SMAD2: variants seen among roughly 807,000 people sequenced by gnomAD.
SMAD2 encodes the protein MAD homolog 2.
A neutral mutation model predicts 64.4 loss-of-function variants in SMAD2; 8 were observed. That is an observed-to-expected ratio of 0.12 (90% CI 0.07 to 0.22). SMAD2 has a LOEUF of 0.22. SMAD2 is among the 10% of genes least tolerant of loss of function. The probability of loss-of-function intolerance (pLI) is 1.00; values close to 1 mark genes in which losing one functional copy is unlikely to be tolerated. For missense variants in SMAD2, 289 were observed against 561.2 expected, an observed-to-expected ratio of 0.51 and a Z score of 4.90; for synonymous variants, 203 against 195.8, an observed-to-expected ratio of 1.04 and a Z score of -0.31.
In SMAD2 at chr18:47,840,872, T is replaced by C. The variant is rs865965141; in HGVS notation, c.*955A>G. The C allele has an allele frequency of 1.1e-4, 25 of 232,298 alleles. No individual in the cohort carries two copies. In the Middle Eastern group the frequency reaches 6.5e-3, roughly 60 times the overall value. 14.4% of individuals were successfully genotyped at this position (232,298 alleles called of 1,614,324 possible). A position where few individuals can be genotyped will look rare whatever the true frequency, so the allele number is the denominator to read the frequency against. ...CTGAAAATAATTATACTGCCACCTA[T>C]GCATTTTTTATGAGGTGGAAGGATA... On this transcript the variant is annotated 3_prime_UTR_variant, in exon 11 of 11. Coordinates refer to ENST00000262160, the MANE Select transcript of SMAD2 (RefSeq NM_005901.6).
chr18:47,862,480 C>A (rs1221639984), intron 6 of SMAD2, among the ~76,000 whole-genome samples: 1 of 152,204 alleles, frequency 6.6e-6, no homozygotes, highest in African/African-American at 2.4e-5. Flanking sequence ...AGGAATTGCT[C>A]AGCTTGCAGG....
At chr18:47,922,474 T>C (rs951162314) in intron 1 of SMAD2, 1 of 152,216 alleles carries the variant, frequency 6.6e-6, no homozygotes, top group Admixed American at 6.5e-5. Context: ...CTATTTACAT[T>C]GTATTAGATA....
At chr18:47,885,178 CACACAT>C (rs1458752670) in intron 2 of SMAD2, among the ~76,000 whole-genome samples, 166 of 140,876 alleles carry the variant, frequency 1.2e-3, no homozygotes, top group African/African-American at 4.1e-3. Context: ...CACACACACA[CACACAT>C]ATACCCTCCC....
upstream of SMAD2, chr18:47,930,706 C>G (rs1380551454): frequency 6.8e-6 from 1 of 147,990 alleles, no homozygotes. Context: ...GCAGCCCTAC[C>G]GGCCGCCCGC....
intron 2 of SMAD2, among the ~76,000 whole-genome samples, chr18:47,891,320 A>G (rs556388166): frequency 7.2e-5 from 11 of 152,264 alleles, no homozygotes; most frequent in African/African-American, 2.4e-4. Flanking sequence ...CTAAGAGGCA[A>G]AACAAAATCC....
rs1269952110 is a variant in SMAD2, at chr18:47,816,341, C to T, written c.*25486G>A. ...AAAATACCAAAATATACAGTGGTCACCCTAAAACTAACATTTTTGGATAAT... is the reference window on the plus strand; with the variant it reads ...AAAATACCAAAATATACAGTGGTCATCCTAAAACTAACATTTTTGGATAAT... On this transcript the variant is annotated 3_prime_UTR_variant, in exon 11 of 11. Coordinates refer to ENST00000262160, the MANE Select transcript of SMAD2 (RefSeq NM_005901.6). 2 of 152,110 alleles carry T rather than the reference C, an allele frequency of 1.3e-5. No individual in the cohort carries two copies. Among genetic ancestry groups the T allele is most frequent in the Non-Finnish European group, 2.9e-5 (2 of 68,018 alleles). The allele number at this position is 152,110 out of a possible 1,614,324, so 9.4% of individuals were successfully genotyped here.
At chr18:47,911,741 TAAC>T (rs924550516) in intron 1 of SMAD2, among the ~76,000 whole-genome samples, 1 of 152,200 alleles carries the variant, frequency 6.6e-6, no homozygotes, top group African/African-American at 2.4e-5. Context: ...ACAGTGAACT[TAAC>T]AGCCCGGTTA....
intron 7 of SMAD2, among the ~76,000 whole-genome samples, chr18:47,849,973 C>T (rs1413696178): frequency 6.6e-6 from 1 of 151,336 alleles, no homozygotes; most frequent in East Asian, 1.9e-4. Flanking sequence ...CGCCACTGCA[C>T]TCTAGCCTGG....
At chr18:47,912,358 A>G (rs1162702573) in intron 1 of SMAD2, 1 of 152,210 alleles carries the variant, frequency 6.6e-6, no homozygotes, top group African/African-American at 2.4e-5. Context: ...AAACACAACT[A>G]ATGTGACCGA....
chr18:47,907,222 T>G (rs1461801660), intron 1 of SMAD2, among the ~76,000 whole-genome samples: 1 of 152,172 alleles, frequency 6.6e-6, no homozygotes, highest in Non-Finnish European at 1.5e-5. Flanking sequence ...AAGAAACCTG[T>G]ATAAGAATGT....
chr18:47,927,432 T>C (rs964418401), intron 1 of SMAD2, among the ~76,000 whole-genome samples: 2 of 152,234 alleles, frequency 1.3e-5, no homozygotes, highest in Non-Finnish European at 2.9e-5. Context: ...CACTAACAAC[T>C]GTCTTACTCT....
At position 47,833,777 on chromosome 18, in the gene SMAD2, A is replaced by C; in HGVS notation, c.*8050T>G. The stretch of plus-strand genomic sequence containing the variant: ...AACAACACATTCTGGCTTCTCGAGC[A>C]GAACAGACTGGGAAATGCAGTAGAC... On this transcript the variant is annotated 3_prime_UTR_variant, in exon 11 of 11. Coordinates refer to ENST00000262160, the MANE Select transcript of SMAD2 (RefSeq NM_005901.6). 1 of 231,134 alleles carries C rather than the reference A, an allele frequency of 4.3e-6. No individual in the cohort carries two copies. The highest frequency in any genetic ancestry group is 8.6e-6 in the Non-Finnish European group (1 of 116,546). 14.3% of individuals were successfully genotyped at this position (231,134 alleles called of 1,614,324 possible).
intron 10 of SMAD2, among the ~76,000 whole-genome samples, chr18:47,842,301 G>T (rs1400989228): frequency 6.6e-6 from 1 of 152,204 alleles, no homozygotes; most frequent in Non-Finnish European, 1.5e-5. Context: ...CAGCACTTTG[G>T]GAGGCCGAGG....
intron 8 of SMAD2, among the ~76,000 whole-genome samples, chr18:47,846,599 CAA>C (rs1233478924): frequency 6.6e-6 from 1 of 152,114 alleles, no homozygotes; most frequent in Non-Finnish European, 1.5e-5. Flanking sequence ...GTATTCAACA[CAA>C]GAGACATTCT....
chr18:47,903,581 A>G (rs1267665685), intron 1 of SMAD2, among the ~76,000 whole-genome samples: 1 of 152,168 alleles, frequency 6.6e-6, no homozygotes, highest in Non-Finnish European at 1.5e-5. Context: ...TCAGCATTCA[A>G]TCAAAAATTA....
intron 1 of SMAD2, among the ~76,000 whole-genome samples, chr18:47,913,888 T>G (rs1278647095): frequency 6.6e-6 from 1 of 152,198 alleles, no homozygotes; most frequent in African/African-American, 2.4e-5. Context: ...CAGCAATAAG[T>G]GATACTTACA....
rs1310611525 is a variant in SMAD2, at chr18:47,837,577, AAAC to A, written c.*4247_*4249del. On this transcript the variant is annotated 3_prime_UTR_variant, in exon 11 of 11. Transcript: ENST00000262160. Reference sequence around the variant, plus strand: ...ACTCCCTCTCAAAAAAAAAAAAAAAAAACAAAAAACAAGGCTAACAAGAAAGAG... The same window carrying A: ...ACTCCCTCTCAAAAAAAAAAAAAAAAAAAAAACAAGGCTAACAAGAAAGAG... 7.5e-5 allele frequency: 17 copies of A among 227,644 alleles called. No homozygotes were observed. Among genetic ancestry groups the A allele is most frequent in the East Asian group, 3.3e-4 (5 of 15,232 alleles). 14.1% of individuals were successfully genotyped at this position (227,644 alleles called of 1,614,324 possible). A position where few individuals can be genotyped will look rare whatever the true frequency, so the allele number is the denominator to read the frequency against.
Position 47,862,929 on chromosome 18 carries a change from C to T in SMAD2, c.730+2130G>A, listed in dbSNP as rs767581122. On this transcript the variant is annotated intron_variant, in intron 6 of 10. Coordinates refer to ENST00000262160, the MANE Select transcript of SMAD2 (RefSeq NM_005901.6). ...CTTATAAATTTCTTACGATGTCCAG[C>T]CTGATCTCTAATATCCACTATAAAG... Among the ~76,000 whole-genome samples, 3 of 151,966 alleles carry T rather than the reference C, an allele frequency of 2.0e-5. No individual in the cohort carries two copies. The East Asian group carries it at 5.8e-4, about 29-fold the overall frequency.
chr18:47,904,109 G>T (rs1359435661), intron 1 of SMAD2, among the ~76,000 whole-genome samples: 1 of 151,788 alleles, frequency 6.6e-6, no homozygotes, highest in Admixed American at 6.6e-5. Context: ...TAGGATAACA[G>T]TTAAAATCCC....
Sources: gnomAD v4.1 joint callset for allele counts (sites outside exome capture counted in the v4.1 genomes callset) on GRCh38, gnomAD v4.1.1 for gene constraint, MANE v1.5 for transcripts, NCBI Gene and HGNC (gene_info 2026-07-23, HGNC 2026-07-21) for gene names.